Variants in GRIK1 observed in about 807,000 individuals in gnomAD.
GRIK1 encodes the protein glutamate receptor ionotropic, kainate 1.
GRIK1 carries 69 observed loss-of-function variants against 105.7 expected under a neutral mutation model. The observed-to-expected ratio is 0.65, with a 90% CI of 0.54 to 0.80. The LOEUF (loss-of-function observed/expected upper bound fraction) is 0.80. GRIK1 is among the 30% of genes least tolerant of loss of function. GRIK1 has a pLI of 0.00. For synonymous variants in GRIK1, 438 were observed against 431.3 expected (o/e 1.02, Z -0.19); for missense variants, 1,109 against 1,167.3 (o/e 0.95, Z 0.73).
chr21:29,724,156 C>G (rs763866963), intron 1 of GRIK1, among the ~76,000 whole-genome samples: 1 of 152,204 alleles, frequency 6.6e-6, no homozygotes, highest in Non-Finnish European at 1.5e-5. Context: ...AATCGATCCT[C>G]GTGGCCAAGT....
intron 1 of GRIK1, among the ~76,000 whole-genome samples, chr21:29,715,082 C>A (rs937654276): frequency 6.6e-6 from 1 of 152,164 alleles, no homozygotes; most frequent in Non-Finnish European, 1.5e-5. Context: ...GATCACTAAC[C>A]AACCTATCTC....
chr21:29,538,997 T>C (rs553209377), intron 16 of GRIK1, among the ~76,000 whole-genome samples: 2 of 152,278 alleles, frequency 1.3e-5, no homozygotes, highest in Admixed American at 1.3e-4. Context: ...ATAAAACTTT[T>C]TATCTCTTTT....
chr21:29,759,371 G>C (rs1175599785), intron 1 of GRIK1, among the ~76,000 whole-genome samples: 1 of 152,104 alleles, frequency 6.6e-6, no homozygotes, highest in Non-Finnish European at 1.5e-5. Flanking sequence ...GCCCGCCTCG[G>C]CCTCCTAAAG....
intron 1 of GRIK1, among the ~76,000 whole-genome samples, chr21:29,746,365 A>C (rs972244646): frequency 6.6e-6 from 1 of 152,232 alleles, no homozygotes; most frequent in Non-Finnish European, 1.5e-5. Context: ...TGGGTAAAAC[A>C]GTGTAAGGGC....
rs192183120 is a variant in GRIK1 at position 29,783,941 on chromosome 21, G to C, written c.119-89878C>G. Among the ~76,000 whole-genome samples, 101 of 151,994 alleles carry C rather than the reference G, an allele frequency of 6.6e-4. 2 individuals are homozygous for C. Among genetic ancestry groups the C allele is most frequent in the South Asian group, 6.2e-3 (30 of 4,812 alleles). On this transcript the variant is annotated intron_variant, in intron 1 of 17. Coordinates refer to ENST00000327783, the MANE Select transcript of GRIK1 (RefSeq NM_001330994.2). ...CCCGACTGTTGTTTTTTTGCTCTTT[G>C]TTTTTTTTAGACGGAGTCTCGCTCT...
chr21:29,605,831 A>G (rs1396431663), intron 7 of GRIK1, among the ~76,000 whole-genome samples: 2 of 152,116 alleles, frequency 1.3e-5, no homozygotes, highest in African/African-American at 4.8e-5. Flanking sequence ...ATTGTTTCCT[A>G]TTGAGAGAGA....
chr21:29,581,322 T>C, intron 13 of GRIK1, 103 bp downstream of exon 13: 2 of 729,296 alleles, frequency 2.7e-6, no homozygotes, highest in Admixed American at 4.2e-5. Flanking sequence ...GTTCCTGAGA[T>C]GGTGTTTCAT....
intron 1 of GRIK1, among the ~76,000 whole-genome samples, chr21:29,871,525 C>T (rs1253115258): frequency 2.0e-5 from 3 of 151,998 alleles, no homozygotes; most frequent in South Asian, 2.1e-4. Context: ...GTAAGTGGAC[C>T]GGGAACAGAA....
chr21:29,681,389 C>T (rs1005450745), intron 3 of GRIK1, among the ~76,000 whole-genome samples: 1 of 152,152 alleles, frequency 6.6e-6, no homozygotes, highest in African/African-American at 2.4e-5. Flanking sequence ...ACCGTCTCTT[C>T]TATCTCCCCT....
intron 14 of GRIK1, among the ~76,000 whole-genome samples, chr21:29,564,295 C>T (rs1332664396): frequency 1.3e-5 from 2 of 151,906 alleles, no homozygotes; most frequent in Non-Finnish European, 2.9e-5. Context: ...CTACAGGCGC[C>T]CGCCACTACA....
At chr21:29,801,351 C>A (rs563687696) in intron 1 of GRIK1, among the ~76,000 whole-genome samples, 5 of 151,864 alleles carry the variant, frequency 3.3e-5, no homozygotes, top group African/African-American at 9.7e-5. Flanking sequence ...TTAGCTGACA[C>A]GGTCCAAAAA....
intron 1 of GRIK1, among the ~76,000 whole-genome samples, chr21:29,900,188 G>T (rs1300079650): frequency 1.3e-5 from 2 of 151,846 alleles, no homozygotes; most frequent in African/African-American, 4.8e-5. Context: ...ATGCCAAATT[G>T]TAAAGACCAT....
chr21:29,649,888 A>G (rs567974291), intron 6 of GRIK1, among the ~76,000 whole-genome samples: 1 of 152,206 alleles, frequency 6.6e-6, no homozygotes, highest in Non-Finnish European at 1.5e-5. Flanking sequence ...AGGATTTCGA[A>G]CCATATTTGA....
intron 1 of GRIK1, among the ~76,000 whole-genome samples, chr21:29,803,754 T>TC (rs1475614024): frequency 6.6e-6 from 1 of 152,102 alleles, no homozygotes; most frequent in Non-Finnish European, 1.5e-5. Flanking sequence ...TGTTTTTTTT[T>TC]CCCAGCTAAG....
chr21:29,750,162 A>G (rs1478502574), intron 1 of GRIK1, among the ~76,000 whole-genome samples: 1 of 152,026 alleles, frequency 6.6e-6, no homozygotes, highest in Non-Finnish European at 1.5e-5. Flanking sequence ...TAAAATATGT[A>G]CAATCATACC....
rs191588429 is a variant in GRIK1, at chr21:29,646,181, T to C, written c.955-3212A>G. On this transcript the variant is annotated intron_variant, in intron 6 of 17. Coordinates refer to ENST00000327783, the MANE Select transcript of GRIK1 (RefSeq NM_001330994.2). ...GGTCTCTGGGCCATGCTGTATCAAT[T>C]TGATCTCCCAAAAGGCTGGTTACTA... is the stretch of plus-strand genomic sequence containing the variant. Among the ~76,000 whole-genome samples, 9 of 152,318 alleles carry C rather than the reference T, an allele frequency of 5.9e-5. No individual in the cohort carries two copies. In the East Asian group the frequency reaches 9.6e-4, roughly 16 times the overall value.
rs560812544 is a variant in GRIK1, at chr21:29,582,042, G to A, written c.1794-499C>T. Among the ~76,000 whole-genome samples, 4 of 152,270 alleles carry A rather than the reference G, an allele frequency of 2.6e-5. No individual in the cohort carries two copies. The East Asian group carries it at 5.8e-4, about 22-fold the overall frequency. ...ACAGATGGTTAGAAGGAGTCTAAGT[G>A]GTGGTCTAGCGATTTTGTAATGCAT... On this transcript the variant is annotated intron_variant, in intron 12 of 17. Coordinates refer to ENST00000327783, the MANE Select transcript of GRIK1 (RefSeq NM_001330994.2).
At chr21:29,698,892 T>C (rs1191706547) in intron 1 of GRIK1, among the ~76,000 whole-genome samples, 1 of 152,244 alleles carries the variant, frequency 6.6e-6, no homozygotes, top group Non-Finnish European at 1.5e-5. Flanking sequence ...GGTAAAATCA[T>C]ACTGCTTGTA....
intron 3 of GRIK1, among the ~76,000 whole-genome samples, chr21:29,686,136 G>A (rs1392167413): frequency 6.6e-6 from 1 of 152,162 alleles, no homozygotes; most frequent in Non-Finnish European, 1.5e-5. Context: ...GAAATAGACA[G>A]TTTTCCCTAG....
Sources: gnomAD v4.1 joint callset for allele counts (sites outside exome capture counted in the v4.1 genomes callset) on GRCh38, gnomAD v4.1.1 for gene constraint, MANE v1.5 for transcripts, NCBI Gene and HGNC (gene_info 2026-07-23, HGNC 2026-07-21) for gene names.